STON2: variants seen among roughly 807,000 people sequenced by gnomAD.
STON2 encodes the protein stonin-2.
Under a neutral mutation model 65.7 loss-of-function variants are expected in STON2, and 29 were observed. That is an observed-to-expected ratio of 0.44 (90% confidence interval 0.33 to 0.60). STON2 has a LOEUF of 0.60. STON2 is among the 20% of genes least tolerant of loss of function. The probability of loss-of-function intolerance (pLI) is 0.03; values close to 1 mark genes in which losing one functional copy is unlikely to be tolerated. For missense variants in STON2, 1,054 were observed against 1,118.1 expected (o/e 0.94, Z 0.82); for synonymous variants, 404 against 414.2 (o/e 0.98, Z 0.30).
Position 81,396,181 on chromosome 14 carries a change from G to A in STON2, c.89-3C>T. ...TGGGAGGTGCTCTTCCGTGCCCCCT[G>A]AAACAGATACCAGACGCCACCATCA... On this transcript the variant is annotated splice_polypyrimidine_tract_variant and splice_region_variant and intron_variant, in intron 2 of 7. Coordinates refer to ENST00000614646, the MANE Select transcript of STON2 (RefSeq NM_001394390.1). The A allele has an allele frequency of 6.3e-7, 1 of 1,596,474 alleles. No individual in the cohort carries two copies. Among genetic ancestry groups the A allele is most frequent in the Non-Finnish European group, 8.5e-7 (1 of 1,171,180 alleles).
chr14:81,398,864 T>C (rs972979269), intron 1 of STON2, among the ~76,000 whole-genome samples: 5 of 152,236 alleles, frequency 3.3e-5, no homozygotes, highest in African/African-American at 7.2e-5. Flanking sequence ...TTTAGAAATA[T>C]TGTCATCTAT....
chr14:81,436,231 G>T (rs1024653099), intron 1 of STON2: 1 of 150,692 alleles, frequency 6.6e-6, no homozygotes, highest in Non-Finnish European at 1.5e-5. Context: ...GCCCGCCCCC[G>T]CCCCCGCCCC....
At chr14:81,383,416 A>G (rs113944891) in intron 3 of STON2, among the ~76,000 whole-genome samples, 1 of 152,116 alleles carries the variant, frequency 6.6e-6, no homozygotes, top group Non-Finnish European at 1.5e-5. Flanking sequence ...TCTCAAACAT[A>G]TATTTTTGTC....
intron 4 of STON2, among the ~76,000 whole-genome samples, chr14:81,325,614 T>C (rs1896978252): frequency 6.6e-6 from 1 of 152,082 alleles, no homozygotes; most frequent in African/African-American, 2.4e-5. Flanking sequence ...TGTTTATGTA[T>C]ATAAAGCATA....
intron 5 of STON2, among the ~76,000 whole-genome samples, chr14:81,283,403 T>C (rs533384057): frequency 6.6e-6 from 1 of 152,312 alleles, no homozygotes; most frequent in South Asian, 2.1e-4. Context: ...CTGGAATTTA[T>C]TAGGAGTGGC....
At chr14:81,363,940 A>G (rs537102339) in intron 4 of STON2, among the ~76,000 whole-genome samples, 3 of 152,278 alleles carry the variant, frequency 2.0e-5, no homozygotes, top group Non-Finnish European at 4.4e-5. Context: ...GGCAACAGAG[A>G]AACATGTTAT....
At chr14:81,304,234 C>A (rs1896083508) in intron 5 of STON2, among the ~76,000 whole-genome samples, 2 of 152,166 alleles carry the variant, frequency 1.3e-5, no homozygotes, top group South Asian at 4.1e-4. Context: ...GGAGGAGCCA[C>A]TGTAAAGTGT....
chr14:81,294,509 C>A (rs1248258318), intron 5 of STON2, among the ~76,000 whole-genome samples: 1 of 152,200 alleles, frequency 6.6e-6, no homozygotes, highest in Non-Finnish European at 1.5e-5. Flanking sequence ...ACTAGGCCTC[C>A]ATTCCCTCAA....
At chr14:81,300,406 G>A (rs893317672) in intron 5 of STON2, among the ~76,000 whole-genome samples, 2 of 152,082 alleles carry the variant, frequency 1.3e-5, no homozygotes, top group South Asian at 2.1e-4. Context: ...CACAAGAGGC[G>A]CTAACCATAA....
intron 2 of STON2, among the ~76,000 whole-genome samples, chr14:81,416,299 G>A (rs12888000): frequency 0.45 from 68,196 of 152,020 alleles, 17,556 homozygotes; most frequent in Non-Finnish European, 0.58. Flanking sequence ...TCAAGAGAGA[G>A]AACAAGAACT....
rs73341968 is a variant in STON2, at chr14:81,392,341, G to A, written c.373+3553C>T. Reference sequence around the variant, plus strand: ...TGTGTGGAACCTGGGATTTGGGCGCGGTCCGGAAGTGCTCTAGATGAACTC... The same window carrying A: ...TGTGTGGAACCTGGGATTTGGGCGCAGTCCGGAAGTGCTCTAGATGAACTC... On this transcript the variant is annotated intron_variant, in intron 3 of 7. Coordinates refer to ENST00000614646, the MANE Select transcript of STON2 (RefSeq NM_001394390.1). Among the ~76,000 whole-genome samples the A allele has an allele frequency of 2.6e-3, 395 of 152,172 alleles. 1 individual carries two copies. The highest frequency in any genetic ancestry group is 9.1e-3 in the African/African-American group (378 of 41,510).
intron 3 of STON2, among the ~76,000 whole-genome samples, chr14:81,391,659 T>C (rs371295580): frequency 3.3e-5 from 5 of 152,320 alleles, no homozygotes; most frequent in Middle Eastern, 3.4e-3. Context: ...GGCAGAAAAT[T>C]TGGAATTGAA....
At chr14:81,383,879 T>TA (rs1313353237) in intron 3 of STON2, among the ~76,000 whole-genome samples, 6 of 152,096 alleles carry the variant, frequency 3.9e-5, no homozygotes, top group Non-Finnish European at 8.8e-5. Context: ...TCACCCACAA[T>TA]AAAAAATCAA....
At chr14:81,303,047 A>G (rs113690120) in intron 5 of STON2, among the ~76,000 whole-genome samples, 14,402 of 137,268 alleles carry the variant, frequency 0.1, 767 homozygotes, top group Non-Finnish European at 0.11. Context: ...GTGAGGGTGT[A>G]CATGTGTGGG....
Position 81,263,271 on chromosome 14 carries a change from G to T in STON2, c.*5143C>A. On this transcript the variant is annotated 3_prime_UTR_variant, in exon 8 of 8. Transcript: ENST00000614646. ...TATGCTATTTTGGCCAGGCGCGGCG[G>T]CTCATGCCTGTTATCCTAGCACTCT... 1 of 559,248 alleles carries T rather than the reference G, an allele frequency of 1.8e-6. No homozygotes were observed. The highest frequency in any genetic ancestry group is 2.3e-6 in the Non-Finnish European group (1 of 440,800). The allele number at this position is 559,248 out of a possible 1,614,324, so 34.6% of individuals were successfully genotyped here.
At position 81,327,652 on chromosome 14, in the gene STON2, G is replaced by T. The variant is rs374731444; in HGVS notation, c.572-3465C>A. On this transcript the variant is annotated intron_variant, in intron 4 of 7. Transcript: ENST00000614646. ...TCCATTTCTTCCTCATTCATTAACT[G>T]GGATGCTATTAATATTAAAGGCTTA... Among the ~76,000 whole-genome samples, 5 of 152,096 alleles carry T rather than the reference G, an allele frequency of 3.3e-5. No homozygotes were observed. In the East Asian group the frequency reaches 9.6e-4, roughly 29 times the overall value.
chr14:81,348,109 G>C (rs1324148768), intron 4 of STON2, among the ~76,000 whole-genome samples: 1 of 151,956 alleles, frequency 6.6e-6, no homozygotes, highest in African/African-American at 2.4e-5. Context: ...ATAAGGCGTA[G>C]TAAGAACAGC....
At chr14:81,353,898 C>G (rs1411030038) in intron 4 of STON2, among the ~76,000 whole-genome samples, 3 of 152,166 alleles carry the variant, frequency 2.0e-5, no homozygotes, top group Non-Finnish European at 4.4e-5. Flanking sequence ...CAGCATAGCC[C>G]ACGGACAAAG....
intron 3 of STON2, among the ~76,000 whole-genome samples, chr14:81,394,396 A>G (rs1252817631): frequency 1.3e-5 from 2 of 152,192 alleles, no homozygotes; most frequent in African/African-American, 2.4e-5. Flanking sequence ...ACAGAAAAAT[A>G]TATCAACCCT....
Sources: gnomAD v4.1 joint callset for allele counts (sites outside exome capture counted in the v4.1 genomes callset) on GRCh38, gnomAD v4.1.1 for gene constraint, MANE v1.5 for transcripts, NCBI Gene and HGNC (gene_info 2026-07-23, HGNC 2026-07-21) for gene names.